The following NXPH1 variants were observed in gnomAD, a reference collection of about 807,000 sequenced individuals.
NXPH1 encodes the protein neurexophilin-1.
Under a neutral mutation model 23.7 loss-of-function variants are expected in NXPH1, and 5 were observed. The ratio of observed to expected loss-of-function variants is 0.21; its 90% CI spans 0.11 to 0.44. The LOEUF is 0.44. NXPH1 is among the 20% of genes least tolerant of loss of function. NXPH1 has a pLI of 0.99. For synonymous variants in NXPH1, 144 were observed against 122.2 expected (o/e 1.18, Z -1.18); for missense variants, 324 against 321.6 (o/e 1.01, Z -0.06).
intron 2 of NXPH1, among the ~76,000 whole-genome samples, chr7:8,598,923 C>G (rs1033488667): frequency 1.3e-5 from 2 of 152,136 alleles, no homozygotes; most frequent in Non-Finnish European, 2.9e-5. Context: ...AATGCAAAAT[C>G]AGCAAAGTGT....
chr7:8,664,616 A>G (rs917960047), intron 2 of NXPH1, among the ~76,000 whole-genome samples: 1 of 152,142 alleles, frequency 6.6e-6, no homozygotes, highest in African/African-American at 2.4e-5. Flanking sequence ...ACTGTTTTCC[A>G]TAATGCCTGT....
At chr7:8,573,610 T>C (rs886580346) in intron 2 of NXPH1, among the ~76,000 whole-genome samples, 23 of 152,180 alleles carry the variant, frequency 1.5e-4, no homozygotes, top group African/African-American at 5.5e-4. Flanking sequence ...AACCAGGTTA[T>C]GGAAGCTCTT....
At chr7:8,690,535 A>G (rs1303149375) in intron 2 of NXPH1, among the ~76,000 whole-genome samples, 1 of 152,230 alleles carries the variant, frequency 6.6e-6, no homozygotes, top group Non-Finnish European at 1.5e-5. Flanking sequence ...ACTAATGAAT[A>G]CAGGGAATTA....
rs985074724 is a variant in NXPH1 at position 8,617,465 on chromosome 7, T to C, written c.55-133543T>C. Among the ~76,000 whole-genome samples the C allele has an allele frequency of 3.3e-5, 5 of 152,126 alleles. No homozygotes were observed. The East Asian group carries it at 7.7e-4, about 23-fold the overall frequency. Reference sequence around the variant, plus strand: ...GTGATATATATATACAATGGAGTACTATTCAGCCATAAAAAAGAAGGAGAT... The same window carrying C: ...GTGATATATATATACAATGGAGTACCATTCAGCCATAAAAAAGAAGGAGAT... On this transcript the variant is annotated intron_variant, in intron 2 of 2. Coordinates refer to ENST00000405863, the MANE Select transcript of NXPH1 (RefSeq NM_152745.3).
intron 2 of NXPH1, among the ~76,000 whole-genome samples, chr7:8,475,684 G>A (rs1293505087): frequency 1.3e-5 from 2 of 152,060 alleles, no homozygotes; most frequent in Middle Eastern, 3.4e-3. Context: ...TCCCCTTTCA[G>A]GATATTAATG....
rs184725911 is a variant in NXPH1 at position 8,667,854 on chromosome 7, T to C, written c.55-83154T>C. Reference sequence around the variant, plus strand: ...TTTTAAAGCTGTCCCATAAATCCCATGTTTTATTTATTCCTTTTCATCCTC... The same window carrying C: ...TTTTAAAGCTGTCCCATAAATCCCACGTTTTATTTATTCCTTTTCATCCTC... On this transcript the variant is annotated intron_variant, in intron 2 of 2. Coordinates refer to ENST00000405863, the MANE Select transcript of NXPH1 (RefSeq NM_152745.3). 7.8e-3 allele frequency among the ~76,000 whole-genome samples: 1,182 copies of C among 152,170 alleles called. 6 individuals carry two copies. The highest frequency in any genetic ancestry group is 0.013 in the Non-Finnish European group (870 of 67,990).
chr7:8,441,982 C>G (rs1192552169), intron 2 of NXPH1, among the ~76,000 whole-genome samples: 2 of 151,942 alleles, frequency 1.3e-5, no homozygotes, highest in African/African-American at 2.4e-5. Flanking sequence ...CCTCTGTTGC[C>G]GAAAGTTCCT....
rs1199881809 is a variant in NXPH1 at position 8,632,004 on chromosome 7, ATTC to A, written c.55-119001_55-118999del. 2.6e-5 allele frequency among the ~76,000 whole-genome samples: 4 copies of A among 152,250 alleles called. No individual in the cohort carries two copies. The East Asian group carries it at 5.8e-4, about 22-fold the overall frequency. On this transcript the variant is annotated intron_variant, in intron 2 of 2. Transcript: ENST00000405863. ...ATTATTCATGTGTAGGTTATAGGGT[ATTC>A]TTTACTGTGCCTGAGATAGCTAAAA...
intron 2 of NXPH1, among the ~76,000 whole-genome samples, chr7:8,697,181 G>A (rs988024289): frequency 7.2e-6 from 1 of 138,668 alleles, no homozygotes; most frequent in Non-Finnish European, 1.6e-5. Flanking sequence ...AAAAAAAAAA[G>A]TGAATGATGA....
intron 2 of NXPH1, among the ~76,000 whole-genome samples, chr7:8,541,233 A>T (rs187284147): frequency 1.1e-4 from 17 of 151,812 alleles, no homozygotes; most frequent in African/African-American, 4.1e-4. Flanking sequence ...AAAAGACCTA[A>T]ATTAAACTCT....
intron 2 of NXPH1, among the ~76,000 whole-genome samples, chr7:8,529,341 T>G (rs543923132): frequency 2.1e-4 from 32 of 152,352 alleles, no homozygotes; most frequent in African/African-American, 7.5e-4. Flanking sequence ...AAATTCTGCC[T>G]GCCACAGAGA....
chr7:8,461,762 G>C (rs920370040), intron 2 of NXPH1, among the ~76,000 whole-genome samples: 2 of 147,406 alleles, frequency 1.4e-5, no homozygotes, highest in Non-Finnish European at 3.0e-5. Context: ...CCCGGGAGGC[G>C]GAGCTTGCAG....
chr7:8,593,865 T>C (rs1412652178), intron 2 of NXPH1, among the ~76,000 whole-genome samples: 1 of 152,126 alleles, frequency 6.6e-6, no homozygotes, highest in Non-Finnish European at 1.5e-5. Context: ...AAATGTACCT[T>C]GGTTTGGTAA....
At chr7:8,514,044 A>C (rs769429286) in intron 2 of NXPH1, among the ~76,000 whole-genome samples, 2 of 151,990 alleles carry the variant, frequency 1.3e-5, no homozygotes, top group African/African-American at 2.4e-5. Flanking sequence ...CTGTGTCCCA[A>C]TTGTTCCTTT....
At chr7:8,650,312 C>G (rs58803764) in intron 2 of NXPH1, among the ~76,000 whole-genome samples, 135 of 152,224 alleles carry the variant, frequency 8.9e-4, no homozygotes, top group African/African-American at 2.9e-3. Context: ...AGGTTTATTA[C>G]TATGTGATAT....
chr7:8,553,945 C>T (rs1464245735), intron 2 of NXPH1, among the ~76,000 whole-genome samples: 8 of 151,686 alleles, frequency 5.3e-5, no homozygotes, highest in African/African-American at 1.9e-4. Flanking sequence ...TTTCCAAGAA[C>T]ATTTCTTAGG....
chr7:8,506,823 G>A (rs1382565787), intron 2 of NXPH1, among the ~76,000 whole-genome samples: 3 of 152,064 alleles, frequency 2.0e-5, no homozygotes, highest in Non-Finnish European at 2.9e-5. Context: ...CTGAACAAAT[G>A]CTAGGGTAGC....
At chr7:8,568,067 A>G (rs1457858712) in intron 2 of NXPH1, among the ~76,000 whole-genome samples, 1 of 151,936 alleles carries the variant, frequency 6.6e-6, no homozygotes, top group Non-Finnish European at 1.5e-5. Context: ...CGGGATAGAT[A>G]TAACATATAG....
At chr7:8,690,082 AAAG>A (rs1463778227) in intron 2 of NXPH1, among the ~76,000 whole-genome samples, 2 of 152,160 alleles carry the variant, frequency 1.3e-5, no homozygotes, top group Non-Finnish European at 2.9e-5. Context: ...GTATTTTGAG[AAAG>A]AAGATTGGAT....
Sources: allele counts gnomAD v4.1 joint callset (sites outside exome capture counted in the v4.1 genomes callset), GRCh38; gene constraint gnomAD v4.1.1; transcripts MANE v1.5; gene names NCBI Gene and HGNC (gene_info 2026-07-23, HGNC 2026-07-21).